Variants in TMEFF2 observed in about 807,000 individuals in gnomAD.
The protein encoded by TMEFF2 is transmembrane protein with EGF like and two follistatin like domains 2, also known as tomoregulin-2.
In TMEFF2, 28 loss-of-function variants were observed where a neutral mutation model predicts 53.8. That is an observed-to-expected ratio of 0.52 (90% confidence interval 0.39 to 0.71). The LOEUF (loss-of-function observed/expected upper bound fraction) is 0.71, where lower values mean the gene tolerates loss of function less well. Ranked by LOEUF, TMEFF2 falls within the 30% of genes least tolerant of loss-of-function variation. The pLI is 0.00. For synonymous variants in TMEFF2, 162 were observed against 166.3 expected, an observed-to-expected ratio of 0.97 and a Z score of 0.20; for missense variants, 353 against 455.2, an observed-to-expected ratio of 0.78 and a Z score of 2.04.
chr2:191,970,156 A>G (rs976588740), intron 7 of TMEFF2, among the ~76,000 whole-genome samples: 2 of 152,120 alleles, frequency 1.3e-5, no homozygotes, highest in Admixed American at 6.5e-5. Context: ...TTGTCCCTCT[A>G]TTTAACCTGT....
At chr2:192,036,398 A>G (rs1687294224) in intron 5 of TMEFF2, 2 of 152,216 alleles carry the variant, frequency 1.3e-5, no homozygotes, top group African/African-American at 4.8e-5. Context: ...TTTCTATTTA[A>G]CTAATGAATA....
Position 192,151,706 on chromosome 2 carries a change from T to C in TMEFF2, c.439+27962A>G, listed in dbSNP as rs562333471. 6.6e-4 allele frequency among the ~76,000 whole-genome samples: 101 copies of C among 152,028 alleles called. 1 individual carries two copies. The highest frequency in any genetic ancestry group is 2.3e-3 in the African/African-American group (97 of 41,528). ...TCTCTGACACTCAGAAGGCCCACCC[T>C]GCAAGGACTATCATGAGAGAGTCTA... On this transcript the variant is annotated intron_variant, in intron 4 of 9. Transcript: ENST00000272771.
intron 7 of TMEFF2, among the ~76,000 whole-genome samples, chr2:191,959,583 T>C (rs1004398804): frequency 1.3e-5 from 2 of 151,370 alleles, no homozygotes; most frequent in African/African-American, 2.4e-5. Flanking sequence ...CAAAGCCAGA[T>C]TTAGCAGTTC....
At chr2:192,177,851 C>T (rs182478475) in intron 4 of TMEFF2, 10 of 150,904 alleles carry the variant, frequency 6.6e-5, no homozygotes, top group East Asian at 3.9e-4. Flanking sequence ...TAATATAAAA[C>T]GCAACAGGGA....
At chr2:191,972,573 CCAGTA>C (rs1692679973) in intron 7 of TMEFF2, among the ~76,000 whole-genome samples, 2 of 151,736 alleles carry the variant, frequency 1.3e-5, no homozygotes, top group Non-Finnish European at 2.9e-5. Flanking sequence ...AAACAGGAGA[CCAGTA>C]CAGTGGTGTG....
At chr2:192,101,291 A>C (rs554481383) in intron 4 of TMEFF2, among the ~76,000 whole-genome samples, 1 of 152,274 alleles carries the variant, frequency 6.6e-6, no homozygotes, top group South Asian at 2.1e-4. Flanking sequence ...CCGTGTAATT[A>C]GTTGTGTGAT....
intron 4 of TMEFF2, among the ~76,000 whole-genome samples, chr2:192,113,902 C>T (rs555642022): frequency 6.6e-6 from 1 of 152,208 alleles, no homozygotes; most frequent in Non-Finnish European, 1.5e-5. Flanking sequence ...CAGAAAAGGG[C>T]ACATTGCTAA....
At chr2:192,116,922 A>C (rs915611559) in intron 4 of TMEFF2, among the ~76,000 whole-genome samples, 2 of 144,654 alleles carry the variant, frequency 1.4e-5, no homozygotes, top group Non-Finnish European at 3.1e-5. Flanking sequence ...TCTATGGCTC[A>C]ATAGTCATTC....
intron 5 of TMEFF2, among the ~76,000 whole-genome samples, chr2:192,046,790 T>C (rs986483624): frequency 5.9e-5 from 9 of 152,204 alleles, no homozygotes; most frequent in African/African-American, 2.2e-4. Flanking sequence ...ACAATTTTAA[T>C]TGAAAGTTAA....
intron 4 of TMEFF2, among the ~76,000 whole-genome samples, chr2:192,161,261 C>T (rs923827210): frequency 6.6e-5 from 10 of 152,034 alleles, no homozygotes; most frequent in Non-Finnish European, 1.2e-4. Flanking sequence ...CTCCGCCTTC[C>T]GTGTTCAAGC....
chr2:192,157,317 C>CT (rs1388170293), intron 4 of TMEFF2, among the ~76,000 whole-genome samples: 1 of 151,898 alleles, frequency 6.6e-6, no homozygotes, highest in Non-Finnish European at 1.5e-5. Flanking sequence ...TCTTAGGCCA[C>CT]TTTTTTTACT....
chr2:192,095,035 GA>G (rs79661305), intron 4 of TMEFF2, among the ~76,000 whole-genome samples: 16,765 of 152,004 alleles, frequency 0.11, 1,066 homozygotes, highest in East Asian at 0.29. Flanking sequence ...AAGGATTTTT[GA>G]AAAATTTATA....
chr2:192,108,326 G>A (rs541589680), intron 4 of TMEFF2, among the ~76,000 whole-genome samples: 1 of 151,846 alleles, frequency 6.6e-6, no homozygotes, highest in South Asian at 2.1e-4. Context: ...ATATTCATAT[G>A]GATTATTAGT....
chr2:192,116,313 G>A (rs1295903112), intron 4 of TMEFF2, among the ~76,000 whole-genome samples: 3 of 152,024 alleles, frequency 2.0e-5, no homozygotes, highest in Admixed American at 6.6e-5. Context: ...GTGTGATTAC[G>A]GAGTGGGGAG....
At chr2:192,124,741 A>G (rs909465037) in intron 4 of TMEFF2, among the ~76,000 whole-genome samples, 4 of 152,180 alleles carry the variant, frequency 2.6e-5, no homozygotes, top group African/African-American at 9.7e-5. Context: ...ATGGAGTTTA[A>G]ACATTTAAGG....
At chr2:192,171,108 T>C (rs992384682) in intron 4 of TMEFF2, among the ~76,000 whole-genome samples, 2 of 152,034 alleles carry the variant, frequency 1.3e-5, no homozygotes, top group African/African-American at 2.4e-5. Flanking sequence ...TTAAATACTA[T>C]CTGGAATTAA....
At chr2:192,103,868 A>G (rs1398455553) in intron 4 of TMEFF2, among the ~76,000 whole-genome samples, 1 of 151,774 alleles carries the variant, frequency 6.6e-6, no homozygotes, top group Non-Finnish European at 1.5e-5. Context: ...AAAGAAAGAT[A>G]GTGCTACGAG....
At chr2:192,006,743 A>G (rs1036835661) in intron 5 of TMEFF2, among the ~76,000 whole-genome samples, 4 of 152,198 alleles carry the variant, frequency 2.6e-5, no homozygotes, top group Non-Finnish European at 5.9e-5. Flanking sequence ...TTCTGGATGC[A>G]GATCAAAATC....
intron 4 of TMEFF2, among the ~76,000 whole-genome samples, chr2:192,161,203 C>T (rs1471623050): frequency 1.3e-5 from 2 of 152,086 alleles, no homozygotes; most frequent in African/African-American, 2.4e-5. Context: ...GGGTCTTGCT[C>T]TGTCACCCAG....
Sources: gnomAD v4.1 joint callset for allele counts (sites outside exome capture counted in the v4.1 genomes callset) on GRCh38, gnomAD v4.1.1 for gene constraint, MANE v1.5 for transcripts, NCBI Gene and HGNC (gene_info 2026-07-23, HGNC 2026-07-21) for gene names.